IQGAP1: variants seen among roughly 807,000 people sequenced by gnomAD.
IQGAP1 encodes ras GTPase-activating-like protein IQGAP1.
IQGAP1 carries 66 observed loss-of-function variants against 215.6 expected under a neutral mutation model. The ratio of observed to expected loss-of-function variants is 0.31; its 90% confidence interval spans 0.25 to 0.38. The LOEUF (loss-of-function observed/expected upper bound fraction) is 0.38, where lower values mean the gene tolerates loss of function less well. IQGAP1 is among the 10% of genes least tolerant of loss of function. IQGAP1 has a pLI of 1.00. For synonymous variants in IQGAP1, 772 were observed against 728.7 expected, an observed-to-expected ratio of 1.06 and a Z score of -0.96; for missense variants, 1,712 against 1,997.1, an observed-to-expected ratio of 0.86 and a Z score of 2.72.
intron 2 of IQGAP1, among the ~76,000 whole-genome samples, chr15:90,417,760 G>GC (rs1335768250): frequency 6.6e-6 from 1 of 152,182 alleles, no homozygotes; most frequent in Non-Finnish European, 1.5e-5. Context: ...AAAGTCATTG[G>GC]TAGCTTGATG....
chr15:90,402,361 G>C (rs1964815860), intron 2 of IQGAP1, among the ~76,000 whole-genome samples: 1 of 152,136 alleles, frequency 6.6e-6, no homozygotes, highest in South Asian at 2.1e-4. Context: ...TGGATCATTT[G>C]GCAAGAACTG....
chr15:90,447,418 G>A (rs917710619), intron 9 of IQGAP1, among the ~76,000 whole-genome samples: 2 of 152,030 alleles, frequency 1.3e-5, no homozygotes, highest in African/African-American at 4.8e-5. Flanking sequence ...CCCTTGGGCT[G>A]TTTTGATTTT....
intron 5 of IQGAP1, among the ~76,000 whole-genome samples, chr15:90,438,621 C>A (rs2151018358): frequency 6.6e-6 from 1 of 152,234 alleles, no homozygotes; most frequent in South Asian, 2.1e-4. Flanking sequence ...CCATCTGAAT[C>A]ATTTTTATGA....
chr15:90,443,994 G>A lies in IQGAP1; in HGVS notation c.913+516G>A, dbSNP rs189187005. ...CAGGAGAATTGCTTGAACCTGGGAG[G>A]CATAGGTTGCAGTGAGCTGAGATGG... On this transcript the variant is annotated intron_variant, in intron 9 of 37. Coordinates refer to ENST00000268182, the MANE Select transcript of IQGAP1 (RefSeq NM_003870.4). Among the ~76,000 whole-genome samples the A allele has an allele frequency of 6.8e-3, 1,037 of 152,054 alleles. 9 individuals carry two copies. The highest frequency in any genetic ancestry group is 0.011 in the Non-Finnish European group (773 of 67,986).
At chr15:90,441,420 A>T in intron 7 of IQGAP1, 86 bp from the exon 8 acceptor site, 1 of 1,156,026 alleles carries the variant, frequency 8.7e-7, no homozygotes, top group Non-Finnish European at 1.2e-6. Flanking sequence ...TGGGGGGTGC[A>T]ATGTTGCTTT....
intron 2 of IQGAP1, among the ~76,000 whole-genome samples, chr15:90,399,133 T>A (rs188827728): frequency 0.014 from 2,071 of 147,548 alleles, 35 homozygotes; most frequent in African/African-American, 0.048. Context: ...TTAAAAAAAA[T>A]TTTTTTTTTT....
chr15:90,441,439 A>G (rs2151019336), intron 7 of IQGAP1, 67 bp from the exon 8 acceptor site: 1 of 1,373,040 alleles, frequency 7.3e-7, no homozygotes, highest in Non-Finnish European at 1.0e-6. Flanking sequence ...TTCTGTTGTG[A>G]TATACATCCT....
At chr15:90,426,303 A>G in intron 3 of IQGAP1, 37 bp downstream of exon 3, 1 of 1,571,098 alleles carries the variant, frequency 6.4e-7, no homozygotes, top group Non-Finnish European at 8.6e-7. Context: ...GATTTCTGTC[A>G]ACTTGAGAAA....
In IQGAP1 at chr15:90,492,740, A is replaced by T. The variant is rs74039033; in HGVS notation, c.4628+29A>T. 89 of 1,585,548 alleles carry T rather than the reference A, an allele frequency of 5.6e-5. 1 individual carries two copies. In the South Asian group the frequency reaches 7.0e-4, roughly 13 times the overall value. The stretch of plus-strand genomic sequence containing the variant: ...AGTATTTTTTCTTTTTAAAGAATCA[A>T]TGTCAGAATTAGAGTGAGGAAAAAG... On this transcript the variant is annotated intron_variant, in intron 35 of 37. Transcript: ENST00000268182.
At chr15:90,493,560 GT>G (rs1302137340) in intron 35 of IQGAP1, among the ~76,000 whole-genome samples, 2 of 152,208 alleles carry the variant, frequency 1.3e-5, no homozygotes, top group Admixed American at 1.3e-4. Context: ...TATTTTAAGA[GT>G]TTTCAAATCT....
chr15:90,481,651 A>G (rs894904601), intron 26 of IQGAP1, among the ~76,000 whole-genome samples: 3 of 152,236 alleles, frequency 2.0e-5, no homozygotes, highest in Middle Eastern at 3.4e-3. Flanking sequence ...TTACAGCACA[A>G]TAGGTTTATA....
intron 36 of IQGAP1, among the ~76,000 whole-genome samples, chr15:90,496,352 C>A (rs1318353732): frequency 7.9e-6 from 1 of 126,920 alleles, no homozygotes; most frequent in Admixed American, 8.4e-5. Context: ...GAGTCTCGCC[C>A]TATCACCAGA....
intron 26 of IQGAP1, 30 bp downstream of exon 26, chr15:90,477,919 C>G: frequency 7.3e-7 from 1 of 1,378,490 alleles, no homozygotes; most frequent in Non-Finnish European, 1.0e-6. Flanking sequence ...ACTTTTCTTT[C>G]ATGTTGTTAT....
chr15:90,473,762 A>G lies in IQGAP1; in HGVS notation c.2397A>G (p.Leu799=), dbSNP rs148323821. 1.4e-5 allele frequency: 22 copies of G among 1,612,452 alleles called. No homozygotes were observed. In the African/African-American group the frequency reaches 2.1e-4, roughly 16 times the overall value. ...YKQKKAYQDR[L]AYLRSHKDEV... ...AGAAGAAGGCATATCAAGATCGGTT[A>G]GCTTACCTGCGCTCCCACAAAGATG... is the stretch of plus-strand genomic sequence containing the variant. Residue 799 remains leucine, a synonymous_variant, in exon 20 of 38, where the codon TTA becomes TTG. Transcript: ENST00000268182.
intron 2 of IQGAP1, among the ~76,000 whole-genome samples, chr15:90,418,904 T>C (rs1298813866): frequency 1.3e-5 from 2 of 152,078 alleles, no homozygotes; most frequent in Non-Finnish European, 2.9e-5. Context: ...CCCAGCACTT[T>C]GGGAGGGTAA....
At chr15:90,497,211 T>TA (rs1596296603) in intron 36 of IQGAP1, 21 bp from the exon 37 acceptor site, 1 of 1,233,922 alleles carries the variant, frequency 8.1e-7, no homozygotes, top group Non-Finnish European at 1.2e-6. Flanking sequence ...ACCATACCCT[T>TA]ACGATGTTAT....
intron 7 of IQGAP1, among the ~76,000 whole-genome samples, chr15:90,441,119 G>GA (rs898776330): frequency 6.8e-6 from 1 of 147,378 alleles, no homozygotes; most frequent in Non-Finnish European, 1.5e-5. Context: ...AAAAAAAAAA[G>GA]AAAAAAAAAG....
chr15:90,472,880 A>G lies in IQGAP1; in HGVS notation c.2219A>G (p.Gln740Arg). ...GTGACTGCCGCATATAACCGAGAAC[A>G]GCTGTGGCTGGCCAATGAAGGCCTG... is the stretch of plus-strand genomic sequence containing the variant. The part of the protein sequence containing the change: ...SGVTAAYNRE[Q>R]LWLANEGLIT... The change falls in exon 19 of 38, where the codon CAG (glutamine) becomes CGG (arginine). Residue 740 changes from glutamine to arginine, a missense_variant. Gln to Arg is a conservative substitution (Grantham distance 43, BLOSUM62 1). Coordinates refer to ENST00000268182, the MANE Select transcript of IQGAP1 (RefSeq NM_003870.4). The G allele has an allele frequency of 1.2e-6, 2 of 1,613,880 alleles. No homozygotes were observed. Among genetic ancestry groups the G allele is most frequent in the Non-Finnish European group, 1.7e-6 (2 of 1,179,872 alleles).
intron 2 of IQGAP1, among the ~76,000 whole-genome samples, chr15:90,421,397 A>C (rs1010809280): frequency 6.6e-6 from 1 of 151,368 alleles, no homozygotes; most frequent in African/African-American, 2.4e-5. Flanking sequence ...AATTGCTTGA[A>C]CTTGGGAGAC....
Sources: gnomAD v4.1 joint callset for allele counts (sites outside exome capture counted in the v4.1 genomes callset) on GRCh38, gnomAD v4.1.1 for gene constraint, MANE v1.5 for transcripts, NCBI Gene and HGNC (gene_info 2026-07-23, HGNC 2026-07-21) for gene names.